The following RPAP2 variants were observed in gnomAD, a reference collection of about 807,000 sequenced individuals.
RPAP2 encodes putative RNA polymerase II subunit B1 CTD phosphatase RPAP2.
Under a neutral mutation model 73.1 loss-of-function variants are expected in RPAP2, and 52 were observed. That is an observed-to-expected ratio of 0.71 (90% CI 0.57 to 0.90). The LOEUF (loss-of-function observed/expected upper bound fraction) is 0.90, where lower values mean the gene tolerates loss of function less well. Ranked by LOEUF, RPAP2 falls within the 40% of genes least tolerant of loss-of-function variation. RPAP2 has a pLI of 0.00. For missense variants in RPAP2, 598 were observed against 701.8 expected (o/e 0.85, Z 1.67); for synonymous variants, 225 against 242.1 (o/e 0.93, Z 0.65).
rs3041650 is a variant in RPAP2 at position 92,395,635 on chromosome 1, C to CAAAAAAAAAAAA, written c.*8636_*8647dup. On this transcript the variant is annotated 3_prime_UTR_variant, in exon 13 of 13. Coordinates refer to ENST00000610020, the MANE Select transcript of RPAP2 (RefSeq NM_024813.3). ...TGGGTGACAGAGTGAGACCCTGTCT[C>CAAAAAAAAAAAA]AAAAAAAAAAAAAAAAAAAAAAATT... The CAAAAAAAAAAAA allele has an allele frequency of 1.0e-5, 1 of 96,088 alleles. No individual in the cohort carries two copies. 6.0% of individuals were successfully genotyped at this position (96,088 alleles called of 1,614,324 possible).
At chr1:92,335,126 A>G (rs559183792) in intron 9 of RPAP2, among the ~76,000 whole-genome samples, 1 of 152,278 alleles carries the variant, frequency 6.6e-6, no homozygotes, top group African/African-American at 2.4e-5. Flanking sequence ...TGTTCTCCAT[A>G]GTGGGTGTAC....
chr1:92,323,204 AG>A, intron 7 of RPAP2, among the ~76,000 whole-genome samples: 1 of 150,610 alleles, frequency 6.6e-6, no homozygotes. Context: ...AAAAAGATGA[AG>A]GAAGAATACA....
intron 6 of RPAP2, among the ~76,000 whole-genome samples, chr1:92,318,973 G>A (rs977249541): frequency 1.3e-5 from 2 of 152,120 alleles, no homozygotes; most frequent in African/African-American, 4.8e-5. Flanking sequence ...AGTAGGGGCT[G>A]TATGATCAAA....
chr1:92,318,962 G>A (rs753865525), intron 6 of RPAP2, among the ~76,000 whole-genome samples: 1 of 152,164 alleles, frequency 6.6e-6, no homozygotes, highest in African/African-American at 2.4e-5. Context: ...ACGATGAAAT[G>A]AGTAGGGGCT....
intron 8 of RPAP2, among the ~76,000 whole-genome samples, chr1:92,328,552 G>A (rs1373986633): frequency 6.6e-6 from 1 of 152,056 alleles, no homozygotes; most frequent in Non-Finnish European, 1.5e-5. Context: ...TTCATATCCT[G>A]TATGATTTGT....
intron 6 of RPAP2, among the ~76,000 whole-genome samples, chr1:92,312,871 G>C (rs1056540818): frequency 1.3e-5 from 2 of 151,186 alleles, no homozygotes; most frequent in African/African-American, 2.4e-5. Context: ...ACCCAGGCTG[G>C]AGTGCAGTGG....
intron 11 of RPAP2, among the ~76,000 whole-genome samples, chr1:92,352,821 A>G (rs1654282841): frequency 6.6e-6 from 1 of 152,162 alleles, no homozygotes; most frequent in South Asian, 2.1e-4. Flanking sequence ...CTGTCACCCA[A>G]AAAAGAAACC....
At chr1:92,380,925 G>A in intron 12 of RPAP2, 52 bp downstream of exon 12, 1 of 1,417,166 alleles carries the variant, frequency 7.1e-7, no homozygotes, top group Non-Finnish European at 9.4e-7. Context: ...TGTTGCCTAT[G>A]TGGATTCTTT....
chr1:92,312,206 T>C (rs764952291), intron 6 of RPAP2, among the ~76,000 whole-genome samples: 4 of 152,108 alleles, frequency 2.6e-5, no homozygotes, highest in Non-Finnish European at 5.9e-5. Flanking sequence ...AACAAGACAT[T>C]TGAGACCAGC....
intron 11 of RPAP2, among the ~76,000 whole-genome samples, chr1:92,358,444 A>C (rs555218528): frequency 2.8e-4 from 42 of 152,244 alleles, no homozygotes; most frequent in Non-Finnish European, 4.7e-4. Flanking sequence ...TAGATAAAAT[A>C]TCTCTATACA....
chr1:92,308,077 CAA>C (rs1049739080), intron 6 of RPAP2, among the ~76,000 whole-genome samples: 141 of 135,960 alleles, frequency 1.0e-3, no homozygotes, highest in African/African-American at 3.5e-3. Flanking sequence ...AGCTCTGGCT[CAA>C]AAAAAAAAAA....
rs1367594030 is a variant in RPAP2 at position 92,345,887 on chromosome 1, C to CT, written c.1664dup (p.Leu555PhefsTer35). On this transcript the variant is annotated frameshift_variant, in exon 11 of 13. Transcript: ENST00000610020. LOFTEE classifies it high-confidence loss of function. Reference sequence around the variant, plus strand: ...ATTATACACAAACCTGCGGAATGGACTTTAATTGCTATGGTGTTGCTGTCA... The same window carrying CT: ...ATTATACACAAACCTGCGGAATGGACTTTTAATTGCTATGGTGTTGCTGTCA... The CT allele has an allele frequency of 2.5e-6, 4 of 1,605,448 alleles. No individual in the cohort carries two copies. The African/African-American group carries it at 5.4e-5, about 21-fold the overall frequency.
intron 10 of RPAP2, among the ~76,000 whole-genome samples, chr1:92,337,996 T>C (rs966506384): frequency 2.6e-5 from 4 of 152,214 alleles, no homozygotes; most frequent in African/African-American, 9.6e-5. Flanking sequence ...GTGTATTCAA[T>C]GTTTGTATTA....
chr1:92,400,177 G>A lies in RPAP2; in HGVS notation c.*13166G>A, dbSNP rs1656280236. On this transcript the variant is annotated 3_prime_UTR_variant, in exon 13 of 13. Transcript: ENST00000610020. ...CAGGACTCAATCAAAACCCACTTGG[G>A]ATTAGGGAAGCCACCCTCTGTGAGT... is the stretch of plus-strand genomic sequence containing the variant. 6.6e-6 allele frequency: 1 copy of A among 152,208 alleles called. No homozygotes were observed. The highest frequency in any genetic ancestry group is 1.5e-5 in the Non-Finnish European group (1 of 68,068). 9.4% of individuals were successfully genotyped at this position (152,208 alleles called of 1,614,324 possible).
intron 11 of RPAP2, among the ~76,000 whole-genome samples, chr1:92,366,676 T>C (rs971656713): frequency 3.3e-5 from 5 of 152,218 alleles, no homozygotes; most frequent in African/African-American, 1.2e-4. Context: ...GTAATTACTT[T>C]CATGCTAAGG....
In RPAP2 at chr1:92,339,424, G is replaced by A. The variant is rs1471099465; in HGVS notation, c.1619+2997G>A. ...AATGCTCTCCAGGTGATTTTAATGG[G>A]TAGTCAAAGCTGAGAACCTACTGCT... On this transcript the variant is annotated intron_variant, in intron 10 of 12. Transcript: ENST00000610020. 2.0e-5 allele frequency among the ~76,000 whole-genome samples: 3 copies of A among 151,318 alleles called. No individual in the cohort carries two copies. The East Asian group carries it at 5.8e-4, about 29-fold the overall frequency.
chr1:92,360,000 T>G (rs1654654304), intron 11 of RPAP2, among the ~76,000 whole-genome samples: 1 of 36,992 alleles, frequency 2.7e-5, no homozygotes, highest in Admixed American at 2.9e-4. Context: ...TTCAGTCTGG[T>G]AATTTGGTAG....
intron 11 of RPAP2, among the ~76,000 whole-genome samples, chr1:92,366,142 T>C (rs998020530): frequency 6.6e-6 from 1 of 152,144 alleles, no homozygotes; most frequent in African/African-American, 2.4e-5. Flanking sequence ...CATTTTAAAG[T>C]ATCTGAATGT....
At chr1:92,331,675 A>T (rs898386431) in intron 8 of RPAP2, among the ~76,000 whole-genome samples, 1 of 152,144 alleles carries the variant, frequency 6.6e-6, no homozygotes, top group Non-Finnish European at 1.5e-5. Context: ...TAAATTTCAA[A>T]TATATTGCAA....
Sources: gnomAD v4.1 joint callset for allele counts (sites outside exome capture counted in the v4.1 genomes callset) on GRCh38, gnomAD v4.1.1 for gene constraint, MANE v1.5 for transcripts, NCBI Gene and HGNC (gene_info 2026-07-23, HGNC 2026-07-21) for gene names.